Variants in SVEP1 observed in about 807,000 individuals in gnomAD.
SVEP1 encodes the protein sushi, von Willebrand factor type A, EGF and pentraxin domain containing 1, also known as sushi, von Willebrand factor type A, EGF and pentraxin domain-containing protein 1.
Under a neutral mutation model 367.3 loss-of-function variants are expected in SVEP1, and 164 were observed. That is an observed-to-expected ratio of 0.45 (90% CI 0.39 to 0.51). SVEP1 has a LOEUF of 0.51. Ranked by LOEUF, SVEP1 falls within the 20% of genes least tolerant of loss-of-function variation. SVEP1 has a pLI of 0.00. For missense variants in SVEP1, 4,117 were observed against 4,425.3 expected (o/e 0.93, Z 1.98); for synonymous variants, 1,666 against 1,611.6 (o/e 1.03, Z -0.81).
At chr9:110,389,340 A>G (rs1289144716) in intron 41 of SVEP1, among the ~76,000 whole-genome samples, 184 bp downstream of exon 41, 2 of 152,174 alleles carry the variant, frequency 1.3e-5, no homozygotes, top group African/African-American at 4.8e-5. Flanking sequence ...AATCCCTACT[A>G]CAGTTTTTGA....
chr9:110,408,231 C>T lies in SVEP1; in HGVS notation c.7369G>A (p.Ala2457Thr), dbSNP rs1827986256. 15 of 1,613,894 alleles carry T rather than the reference C, an allele frequency of 9.3e-6. No homozygotes were observed. In the East Asian group the frequency reaches 3.1e-4, roughly 34 times the overall value. The part of the protein sequence containing the change: ...PNGIIDVQGL[A>T]YLSTALYTCK... ...GTATAGAGAGCTGTGCTGAGATAGG[C>T]AAGGCCTTGCACATCAATGATTCCA... Residue 2457 changes from alanine to threonine, a missense_variant, in exon 38 of 48, where the codon GCC becomes ACC. Ala to Thr is a moderately conservative substitution (Grantham distance 58, BLOSUM62 0). Transcript: ENST00000374469.
intron 26 of SVEP1, among the ~76,000 whole-genome samples, chr9:110,445,283 T>C (rs1183097812): frequency 6.6e-6 from 1 of 152,092 alleles, no homozygotes; most frequent in Non-Finnish European, 1.5e-5. Context: ...TAAGGTTGGC[T>C]CTCCTGACAA....
rs1216322487 is a variant in SVEP1, at chr9:110,481,379, T to C, written c.2228A>G (p.Asp743Gly). ...TAATGTACAGTTGACTCCAGTATTATCTGGAGTGCATATAAAATCCCCATT... is the reference window on the plus strand; with the variant it reads ...TAATGTACAGTTGACTCCAGTATTACCTGGAGTGCATATAAAATCCCCATT... ...PVNGDFICTP[D>G]NTGVNCTLTC... The change falls in exon 12 of 48, where the codon GAT becomes GGT. Residue 743 changes from aspartate (D) to glycine (G), a missense_variant. Asp to Gly is a moderately conservative substitution (Grantham distance 94). Coordinates refer to ENST00000374469, the MANE Select transcript of SVEP1 (RefSeq NM_153366.4). 2.5e-6 allele frequency: 4 copies of C among 1,607,924 alleles called. No homozygotes were observed. The East Asian group carries it at 8.9e-5, about 36-fold the overall frequency.
At chr9:110,409,908 A>G (rs979536109) in intron 37 of SVEP1, among the ~76,000 whole-genome samples, 5 of 134,842 alleles carry the variant, frequency 3.7e-5, no homozygotes, top group Admixed American at 3.6e-4. Flanking sequence ...CCATGCATGT[A>G]AGCACCATGC....
intron 3 of SVEP1, among the ~76,000 whole-genome samples, chr9:110,528,156 G>GTGTGTGTATATGTATATA: frequency 5.9e-5 from 2 of 33,950 alleles, no homozygotes; most frequent in South Asian, 9.7e-4. Context: ...GTGTGTGTGT[G>GTGTGTGTATATGTATATA]TATATATATA....
At chr9:110,509,731 T>A (rs569686170) in intron 5 of SVEP1, among the ~76,000 whole-genome samples, 1 of 152,350 alleles carries the variant, frequency 6.6e-6, no homozygotes, top group East Asian at 1.9e-4. Flanking sequence ...ACTGTAGTTA[T>A]CAATGTACAT....
chr9:110,431,784 A>C (rs1056325452), intron 32 of SVEP1, 131 bp downstream of exon 32: 34 of 1,228,024 alleles, frequency 2.8e-5, no homozygotes, highest in Admixed American at 1.3e-4. Context: ...TAAGAACTTT[A>C]TCTTATCTGC....
chr9:110,512,734 G>T, intron 5 of SVEP1, 192 bp downstream of exon 5: 1 of 687,274 alleles, frequency 1.5e-6, no homozygotes, highest in Non-Finnish European at 2.4e-6. Flanking sequence ...GCTATAAAAG[G>T]CGTAGTTTAC....
chr9:110,449,947 G>T, intron 24 of SVEP1, 112 bp downstream of exon 24: 1 of 1,239,790 alleles, frequency 8.1e-7, no homozygotes. Flanking sequence ...CCTCGGGCCA[G>T]CATTTGAGAA....
Position 110,579,502 on chromosome 9 carries a change from G to A in SVEP1, c.42C>T (p.Leu14=), listed in dbSNP as rs200203662. 1.6e-4 allele frequency: 258 copies of A among 1,605,608 alleles called. 1 individual carries two copies. In the African/African-American group the frequency reaches 2.8e-3, roughly 17 times the overall value. Residue 14 remains leucine, a synonymous_variant, in exon 1 of 48, where the codon CTC becomes CTT. Coordinates refer to ENST00000374469, the MANE Select transcript of SVEP1 (RefSeq NM_153366.4). This position sits in a 1 kb window ranked among gnomAD's most constrained non-coding sequence, Gnocchi z 5.3. ...GCTGAAAGGTCGCCCAGCCCGAAAC[G>A]AGCGCCAGACCCCAGCAACAAAAGG... is the stretch of plus-strand genomic sequence containing the variant. ...RLAFCCWGLA[L]VSGWATFQQM...
At chr9:110,394,954 C>T (rs1827732894) in intron 40 of SVEP1, among the ~76,000 whole-genome samples, 1 of 152,140 alleles carries the variant, frequency 6.6e-6, no homozygotes, top group Admixed American at 6.5e-5. Context: ...GAGAACTTCC[C>T]CAATCTAGCA....
intron 7 of SVEP1, among the ~76,000 whole-genome samples, chr9:110,498,611 T>C (rs1198707065): frequency 6.6e-6 from 1 of 152,188 alleles, no homozygotes; most frequent in Non-Finnish European, 1.5e-5. Context: ...TCTTTTCTGT[T>C]TTCAGTAACT....
Position 110,472,258 on chromosome 9 carries a change from GCA to G in SVEP1, c.2663_2664del (p.Val888AlafsTer16). 1.2e-6 allele frequency: 2 copies of G among 1,613,668 alleles called. No homozygotes were observed. Among genetic ancestry groups the G allele is most frequent in the East Asian group, 2.2e-5 (1 of 44,866 alleles). ...TTGCCGATGCTTGTGGCTGTTTCTT[GCA>G]CAGTGTCCAGGAAGTCATCGTAAGA... ...DYSYDDFLDT[V>X]QETATSIGNA... On this transcript the variant is annotated frameshift_variant, in exon 15 of 48. Coordinates refer to ENST00000374469, the MANE Select transcript of SVEP1 (RefSeq NM_153366.4). LOFTEE classifies it high-confidence loss of function.
At chr9:110,457,170 T>C (rs376759422) in intron 21 of SVEP1, 86 bp downstream of exon 21, 3 of 1,075,142 alleles carry the variant, frequency 2.8e-6, no homozygotes, top group Non-Finnish European at 4.0e-6. Flanking sequence ...TTATCGGATA[T>C]AGTTAATGTA....
At chr9:110,401,571 A>T (rs984210626) in intron 39 of SVEP1, among the ~76,000 whole-genome samples, 1 of 150,360 alleles carries the variant, frequency 6.7e-6, no homozygotes, top group Admixed American at 6.6e-5. Flanking sequence ...AAAGAAATCA[A>T]TAATGATTAA....
At chr9:110,502,146 G>A (rs1286598687) in intron 6 of SVEP1, among the ~76,000 whole-genome samples, 5 of 149,322 alleles carry the variant, frequency 3.3e-5, no homozygotes, top group African/African-American at 1.2e-4. Context: ...ACTGTCGCTG[G>A]GGCTAGAGTG....
intron 1 of SVEP1, among the ~76,000 whole-genome samples, chr9:110,570,467 CGTGTGTGTGTGT>C (rs59503025): frequency 4.8e-5 from 7 of 146,938 alleles, no homozygotes; most frequent in African/African-American, 1.3e-4. Flanking sequence ...GTTTCTGTTG[CGTGTGTGTGTGT>C]GTGTGTGTGT....
rs1258271203 is a variant in SVEP1 at position 110,503,427 on chromosome 9, G to T, written c.1304-210C>A. On this transcript the variant is annotated intron_variant, in intron 5 of 47. Transcript: ENST00000374469. ...AATGCATTGCCTAAATAATATCATC[G>T]CATGCAGCCCTCTGCCCATAGGTGG... is the stretch of plus-strand genomic sequence containing the variant. 2.0e-5 allele frequency among the ~76,000 whole-genome samples: 3 copies of T among 152,056 alleles called. No homozygotes were observed. In the East Asian group the frequency reaches 5.8e-4, roughly 29 times the overall value.
chr9:110,473,364 T>G (rs928714711), intron 14 of SVEP1, among the ~76,000 whole-genome samples: 1 of 152,170 alleles, frequency 6.6e-6, no homozygotes, highest in Non-Finnish European at 1.5e-5. Context: ...ATAATCACCA[T>G]GAACATTTTA....
Sources: allele counts gnomAD v4.1 joint callset (sites outside exome capture counted in the v4.1 genomes callset), GRCh38; gene constraint gnomAD v4.1.1; non-coding constraint Gnocchi (gnomAD v3.1); transcripts MANE v1.5; gene names NCBI Gene and HGNC (gene_info 2026-07-23, HGNC 2026-07-21).